N4BP2L2: variants seen among roughly 807,000 people sequenced by gnomAD.
N4BP2L2 encodes NEDD4 binding protein 2 like 2, also known as NEDD4-binding protein 2-like 2.
Under a neutral mutation model 56.2 loss-of-function variants are expected in N4BP2L2, and 50 were observed. That is an observed-to-expected ratio of 0.89 (90% CI 0.71 to 1.13). The LOEUF (loss-of-function observed/expected upper bound fraction) is 1.13. Ranked by LOEUF, N4BP2L2 falls within the 50% of genes most tolerant of loss-of-function variation. The pLI, the probability that N4BP2L2 is intolerant of heterozygous loss-of-function variation, is 0.00. For missense variants in N4BP2L2, 689 were observed against 693.8 expected (o/e 0.99, Z 0.08); for synonymous variants, 203 against 223.6 (o/e 0.91, Z 0.82).
exon 6 of N4BP2L2, chr13:32,514,215 A>T (rs1319850245): frequency 6.6e-6 from 1 of 152,190 alleles, no homozygotes; most frequent in Non-Finnish European, 1.5e-5. Flanking sequence ...AAAGATAAAT[A>T]CTGAAAATAA....
chr13:32,509,094 G>A (rs1291628665), downstream of N4BP2L2: 2 of 152,194 alleles, frequency 1.3e-5, no homozygotes, highest in East Asian at 1.9e-4. Flanking sequence ...AAGTTAAATG[G>A]GTGATCCTTC....
chr13:32,500,590 T>C (rs906057203), intron 6 of N4BP2L2, among the ~76,000 whole-genome samples: 1 of 147,826 alleles, frequency 6.8e-6, no homozygotes, highest in African/African-American at 2.5e-5. Flanking sequence ...TGGTGGCACA[T>C]GCCTGTAGTC....
At chr13:32,481,911 A>G (rs7988424) in intron 6 of N4BP2L2, among the ~76,000 whole-genome samples, 8,728 of 152,240 alleles carry the variant, frequency 0.057, 844 homozygotes, top group African/African-American at 0.2. Context: ...TCTTTGTTTT[A>G]TGTAATGAAT....
chr13:32,498,456 C>T (rs1302082539), intron 6 of N4BP2L2, among the ~76,000 whole-genome samples: 3 of 152,106 alleles, frequency 2.0e-5, no homozygotes, highest in Non-Finnish European at 4.4e-5. Flanking sequence ...AAATGATTCT[C>T]GTGCCTCAGC....
At chr13:32,477,675 A>G in intron 6 of N4BP2L2, 1 of 348,066 alleles carries the variant, frequency 2.9e-6, no homozygotes, top group Non-Finnish European at 5.5e-6. Context: ...GCAATCAGAA[A>G]ACCGTTTGTT....
In N4BP2L2 at chr13:32,494,141, G is replaced by C. The variant is rs935053906; in HGVS notation, c.365+23716C>G. Among the ~76,000 whole-genome samples, 5 of 152,052 alleles carry C rather than the reference G, an allele frequency of 3.3e-5. No homozygotes were observed. The South Asian group carries it at 1.0e-3, about 32-fold the overall frequency. The stretch of plus-strand genomic sequence containing the variant: ...AAAAAAAAATAAAAAAAATTATCTG[G>C]GAGTGGTGGTGTACGCCTGTAATCC... On this transcript the variant is annotated intron_variant, in intron 6 of 9. Transcript: ENST00000357505.
intron 8 of N4BP2L2, among the ~76,000 whole-genome samples, chr13:32,438,009 A>G (rs1006017266): frequency 6.6e-6 from 1 of 152,144 alleles, no homozygotes; most frequent in African/African-American, 2.4e-5. Context: ...TATTGACATA[A>G]TAATTGTACA....
At chr13:32,520,440 C>T (rs992648239) in intron 5 of N4BP2L2, among the ~76,000 whole-genome samples, 9 of 150,804 alleles carry the variant, frequency 6.0e-5, no homozygotes, top group East Asian at 1.9e-4. Flanking sequence ...GGGCAGATCA[C>T]GAGGTCAGGA....
At chr13:32,488,025 A>T (rs944825017) in intron 6 of N4BP2L2, among the ~76,000 whole-genome samples, 1 of 152,078 alleles carries the variant, frequency 6.6e-6, no homozygotes, top group Non-Finnish European at 1.5e-5. Flanking sequence ...CGCCGGACTA[A>T]TAAGAGGTGT....
At chr13:32,533,362 A>G (rs915434917) in intron 2 of N4BP2L2, among the ~76,000 whole-genome samples, 7 of 152,116 alleles carry the variant, frequency 4.6e-5, no homozygotes, top group Non-Finnish European at 8.8e-5. Flanking sequence ...ATCATCCGAC[A>G]TCTTGAATAC....
In N4BP2L2 at chr13:32,473,038, T is replaced by C. The variant is rs538794129; in HGVS notation, c.366-28912A>G. Among the ~76,000 whole-genome samples the C allele has an allele frequency of 2.0e-5, 3 of 152,244 alleles. No homozygotes were observed. The South Asian group carries it at 6.2e-4, about 32-fold the overall frequency. On this transcript the variant is annotated intron_variant, in intron 6 of 9. Transcript: ENST00000357505. ...GCTCACGCCTGTAATCCCAGCACTT[T>C]GGGAGGCTGAGGTGGGCAGATCACC...
intron 5 of N4BP2L2, among the ~76,000 whole-genome samples, chr13:32,518,370 A>T (rs2049786047): frequency 6.6e-6 from 1 of 152,184 alleles, no homozygotes; most frequent in Admixed American, 6.5e-5. Flanking sequence ...GCAAAAATTG[A>T]AGTAAAATAT....
chr13:32,499,474 T>C (rs1441692823), intron 6 of N4BP2L2, among the ~76,000 whole-genome samples: 2 of 152,184 alleles, frequency 1.3e-5, no homozygotes, highest in African/African-American at 2.4e-5. Context: ...CCTATATACA[T>C]TGGTAAAGTC....
intron 6 of N4BP2L2, among the ~76,000 whole-genome samples, chr13:32,497,428 A>C (rs1162391965): frequency 6.6e-6 from 1 of 152,228 alleles, no homozygotes; most frequent in Admixed American, 6.5e-5. Flanking sequence ...GACAGCTGAA[A>C]TGATCCAGCT....
At chr13:32,488,827 A>T (rs939206573) in intron 6 of N4BP2L2, among the ~76,000 whole-genome samples, 4 of 152,236 alleles carry the variant, frequency 2.6e-5, no homozygotes, top group Non-Finnish European at 4.4e-5. Context: ...AAAAAAGAAA[A>T]TATACAAATC....
chr13:32,463,937 A>AAAAAAAAG (rs1449657864), intron 6 of N4BP2L2, among the ~76,000 whole-genome samples: 4 of 150,584 alleles, frequency 2.7e-5, no homozygotes, highest in Non-Finnish European at 5.9e-5. Context: ...AAAAAAAAAA[A>AAAAAAAAG]AGGTAAAGGG....
chr13:32,520,924 T>C (rs2050713705), intron 5 of N4BP2L2, among the ~76,000 whole-genome samples: 1 of 152,202 alleles, frequency 6.6e-6, no homozygotes, highest in Admixed American at 6.5e-5. Context: ...GATTCTTTGT[T>C]ATTTACTTGA....
chr13:32,496,205 ATT>A (rs71071047), intron 6 of N4BP2L2, among the ~76,000 whole-genome samples: 7 of 147,920 alleles, frequency 4.7e-5, no homozygotes, highest in African/African-American at 1.5e-4. Context: ...CCTATTTTTT[ATT>A]TTTTTTTTTT....
intron 2 of N4BP2L2, among the ~76,000 whole-genome samples, chr13:32,531,855 CGT>C (rs1566188008): frequency 2.0e-5 from 3 of 152,214 alleles, no homozygotes; most frequent in Non-Finnish European, 4.4e-5. Context: ...TGTGTGCAGA[CGT>C]GTGTTCCTTC....
Sources: allele counts gnomAD v4.1 joint callset (sites outside exome capture counted in the v4.1 genomes callset), GRCh38; gene constraint gnomAD v4.1.1; transcripts MANE v1.5; gene names NCBI Gene and HGNC (gene_info 2026-07-23, HGNC 2026-07-21).